TOLLIP: variants seen among roughly 807,000 people sequenced by gnomAD.
The protein encoded by TOLLIP is toll interacting protein.
In TOLLIP, 16 loss-of-function variants were observed where a neutral mutation model predicts 33.5. That is an observed-to-expected ratio of 0.48 (90% CI 0.32 to 0.72). TOLLIP has a LOEUF of 0.72. Ranked by LOEUF, TOLLIP falls within the 30% of genes least tolerant of loss-of-function variation. TOLLIP has a pLI of 0.03. For synonymous variants in TOLLIP, 176 were observed against 163.7 expected (o/e 1.07, Z -0.57); for missense variants, 325 against 396.6 (o/e 0.82, Z 1.53).
intron 4 of TOLLIP, among the ~76,000 whole-genome samples, chr11:1,286,882 A>ACTG (rs1432789384): frequency 6.8e-6 from 1 of 147,006 alleles, no homozygotes; most frequent in African/African-American, 2.5e-5. Flanking sequence ...AAGTCACTGC[A>ACTG]CTGCTGTCTC....
At chr11:1,299,941 T>C (rs1054462686) in intron 1 of TOLLIP, among the ~76,000 whole-genome samples, 1 of 152,002 alleles carries the variant, frequency 6.6e-6, no homozygotes, top group African/African-American at 2.4e-5. Flanking sequence ...GAGGCGGAGG[T>C]GCGGCACGAC....
At chr11:1,289,489 C>T (rs532475655) in intron 3 of TOLLIP, among the ~76,000 whole-genome samples, 63 of 152,382 alleles carry the variant, frequency 4.1e-4, no homozygotes, top group African/African-American at 1.4e-3. Flanking sequence ...ACGGACGGGA[C>T]TCAGGACCCT....
chr11:1,288,384 C>T (rs1355199303), intron 4 of TOLLIP, among the ~76,000 whole-genome samples: 1 of 152,202 alleles, frequency 6.6e-6, no homozygotes, highest in Non-Finnish European at 1.5e-5. Flanking sequence ...CTTAGGAACA[C>T]AAACAACCCC....
intron 1 of TOLLIP, among the ~76,000 whole-genome samples, chr11:1,296,449 C>CGCACACGT (rs1321392488): frequency 6.6e-6 from 1 of 152,234 alleles, no homozygotes; most frequent in African/African-American, 2.4e-5. Context: ...CGAAACCACC[C>CGCACACGT]GCACACCTGC....
intron 1 of TOLLIP, among the ~76,000 whole-genome samples, chr11:1,308,698 G>A (rs1466173734): frequency 1.3e-5 from 2 of 152,244 alleles, no homozygotes; most frequent in Non-Finnish European, 2.9e-5. Context: ...ATTTGCAAAT[G>A]AAGAAACTGA....
intron 1 of TOLLIP, among the ~76,000 whole-genome samples, chr11:1,302,218 G>A (rs905315091): frequency 1.3e-5 from 2 of 152,364 alleles, no homozygotes; most frequent in Non-Finnish European, 2.9e-5. Flanking sequence ...ATCCAGATCC[G>A]GGCGTGCAAG....
chr11:1,295,416 C>T, intron 2 of TOLLIP: 1 of 471,044 alleles, frequency 2.1e-6, no homozygotes. Context: ...AGAGCAGACG[C>T]CCACCTACAC....
chr11:1,284,596 G>A (rs750343352), intron 5 of TOLLIP, among the ~76,000 whole-genome samples: 19 of 152,194 alleles, frequency 1.2e-4, no homozygotes, highest in Middle Eastern at 3.4e-3. Context: ...CGATCTGCCC[G>A]CCTTGGCCTC....
At position 1,275,769 on chromosome 11, in the gene TOLLIP, G is replaced by A. The variant is rs1863277513; in HGVS notation, c.*1270C>T. The A allele has an allele frequency of 1.3e-5, 2 of 152,180 alleles. No homozygotes were observed. Among genetic ancestry groups the A allele is most frequent in the South Asian group, 2.1e-4 (1 of 4,832 alleles). 9.4% of individuals were successfully genotyped at this position (152,180 alleles called of 1,614,324 possible). A position where few individuals can be genotyped will look rare whatever the true frequency, so the allele number is the denominator to read the frequency against. On this transcript the variant is annotated 3_prime_UTR_variant, in exon 6 of 6. Transcript: ENST00000317204. ...TTTTGAGGGAGAAAAAGACTAAAAT[G>A]TAAGCACTAACTTCCTCCTTCTGCA...
In TOLLIP at chr11:1,294,285, C is replaced by T. The variant is rs866127268; in HGVS notation, c.183+1360G>A. 8.0e-3 allele frequency among the ~76,000 whole-genome samples: 651 copies of T among 81,462 alleles called. 2 individuals are homozygous for T. The highest frequency in any genetic ancestry group is 0.011 in the Non-Finnish European group (477 of 42,544). 53.4% of individuals were successfully genotyped at this position (81,462 alleles called of 152,430 possible). On this transcript the variant is annotated intron_variant, in intron 2 of 5. Coordinates refer to ENST00000317204, the MANE Select transcript of TOLLIP (RefSeq NM_019009.4). ...TGTGTCTCCTTTCCCTGCATTTCTA[C>T]GAAAGCCCGCGTGGCTCACAGTGTG...
At chr11:1,284,033 G>A (rs567713421) in intron 5 of TOLLIP, among the ~76,000 whole-genome samples, 3 of 152,208 alleles carry the variant, frequency 2.0e-5, no homozygotes, top group African/African-American at 4.8e-5. Flanking sequence ...ACCCCACGAC[G>A]GCGGCTCTGG....
chr11:1,305,644 G>A (rs1864403006), intron 1 of TOLLIP, among the ~76,000 whole-genome samples: 1 of 152,228 alleles, frequency 6.6e-6, no homozygotes. Context: ...CCCTAATGAA[G>A]TCACCGATTC....
chr11:1,295,815 G>A (rs907975628), intron 1 of TOLLIP, 21 bp from the exon 2 acceptor site: 9 of 1,531,582 alleles, frequency 5.9e-6, no homozygotes, highest in Admixed American at 2.0e-5. Context: ...GGGGACCAGA[G>A]AGGCCAGTGA....
intron 3 of TOLLIP, among the ~76,000 whole-genome samples, chr11:1,289,497 C>A (rs1863860259): frequency 1.3e-5 from 2 of 152,264 alleles, no homozygotes; most frequent in Admixed American, 6.5e-5. Flanking sequence ...GACTCAGGAC[C>A]CTCAAGGGTC....
At chr11:1,288,106 C>T (rs574179624) in intron 4 of TOLLIP, among the ~76,000 whole-genome samples, 5 of 152,234 alleles carry the variant, frequency 3.3e-5, no homozygotes, top group South Asian at 4.1e-4. Flanking sequence ...AGGGCGCTGA[C>T]GTGCTGGCCC....
chr11:1,295,566 T>C (rs892630785), intron 2 of TOLLIP, 79 bp downstream of exon 2: 1 of 1,423,910 alleles, frequency 7.0e-7, no homozygotes, highest in African/African-American at 1.4e-5. Flanking sequence ...GGAAATGCAG[T>C]ATAAACGCCG....
rs553069556 is a variant in TOLLIP, at chr11:1,278,252, C to A, written c.611-999G>T. ...GCGCGGGGCTCGGCGACCAGCGAGG[C>A]ACAGAGCTCCTCCTGCAGCAGCAGC... On this transcript the variant is annotated intron_variant, in intron 5 of 5. Coordinates refer to ENST00000317204, the MANE Select transcript of TOLLIP (RefSeq NM_019009.4). The surrounding 1 kb of genome is among the most constrained non-coding windows in gnomAD (Gnocchi z 4.7). 5.3e-4 allele frequency among the ~76,000 whole-genome samples: 81 copies of A among 152,300 alleles called. No homozygotes were observed. The highest frequency in any genetic ancestry group is 1.8e-3 in the African/African-American group (76 of 41,558).
chr11:1,302,871 G>A (rs925273851), intron 1 of TOLLIP: 8 of 853,084 alleles, frequency 9.4e-6, no homozygotes, highest in African/African-American at 1.8e-5. Flanking sequence ...AGGAGCCCTC[G>A]CTGAGCACTC....
chr11:1,289,318 C>T (rs183430958), intron 3 of TOLLIP, among the ~76,000 whole-genome samples: 2 of 152,340 alleles, frequency 1.3e-5, no homozygotes, highest in African/African-American at 4.8e-5. Context: ...GGAGGGCTGG[C>T]CGTCTGCTGG....
Sources: gnomAD v4.1 joint callset for allele counts (sites outside exome capture counted in the v4.1 genomes callset) on GRCh38, gnomAD v4.1.1 for gene constraint, Gnocchi (gnomAD v3.1) non-coding constraint, MANE v1.5 for transcripts, NCBI Gene and HGNC (gene_info 2026-07-23, HGNC 2026-07-21) for gene names.